The following RPTOR variants were observed in gnomAD, a reference collection of about 807,000 sequenced individuals.
RPTOR encodes regulatory-associated protein of mTOR.
RPTOR carries 21 observed loss-of-function variants against 169.9 expected under a neutral mutation model. The ratio of observed to expected loss-of-function variants is 0.12; its 90% CI spans 0.09 to 0.18. The LOEUF is 0.18. Among genes scored for constraint, RPTOR ranks in the 10% least tolerant of loss-of-function variants. The pLI is 1.00. For synonymous variants in RPTOR, 732 were observed against 753.2 expected (o/e 0.97, Z 0.46); for missense variants, 1,133 against 1,855.9 (o/e 0.61, Z 7.16).
chr17:80,949,373 C>T, intron 27 of RPTOR, 70 bp from the exon 28 acceptor site: 3 of 1,314,078 alleles, frequency 2.3e-6, no homozygotes, highest in Non-Finnish European at 3.3e-6. Flanking sequence ...GGGCTCTTAC[C>T]ACCACGCACA....
chr17:80,878,912 A>C lies in RPTOR; in HGVS notation c.1510-1503A>C, dbSNP rs1026572052. ...GCCTCAGAGCCGGCCTGTTTCCTCC[A>C]GGACGCCCACAGGACCCTCGGAAGC... On this transcript the variant is annotated intron_variant, in intron 13 of 33. Coordinates refer to ENST00000306801, the MANE Select transcript of RPTOR (RefSeq NM_020761.3). This position sits in a 1 kb window ranked among gnomAD's most constrained non-coding sequence, Gnocchi z 4.1. 6.6e-6 allele frequency among the ~76,000 whole-genome samples: 1 copy of C among 152,092 alleles called. No individual in the cohort carries two copies. Among genetic ancestry groups the C allele is most frequent in the Non-Finnish European group, 1.5e-5 (1 of 68,008 alleles).
In RPTOR at chr17:80,820,428, C is replaced by T. The variant is rs2067367524; in HGVS notation, c.891-1773C>T. On this transcript the variant is annotated intron_variant, in intron 7 of 33. Transcript: ENST00000306801. This position sits in a 1 kb window ranked among gnomAD's most constrained non-coding sequence, Gnocchi z 4.1. ...CGTGCTGTTTCCTAGGGCTGTGTCC[C>T]GGGCAGCCACCCCTGTTCGCGCTGG... is the stretch of plus-strand genomic sequence containing the variant. Among the ~76,000 whole-genome samples the T allele has an allele frequency of 6.6e-6, 1 of 152,182 alleles. No homozygotes were observed.
At chr17:80,760,081 G>A (rs539701655) in intron 6 of RPTOR, among the ~76,000 whole-genome samples, 50 of 152,150 alleles carry the variant, frequency 3.3e-4, no homozygotes, top group African/African-American at 1.0e-3. Context: ...TAGCCGGAGC[G>A]TAGGGCTTTG....
intron 7 of RPTOR, among the ~76,000 whole-genome samples, chr17:80,821,047 G>A (rs1231163613): frequency 6.6e-6 from 1 of 152,192 alleles, no homozygotes; most frequent in Non-Finnish European, 1.5e-5. Context: ...CCCTATCACT[G>A]AACCTATTTT....
intron 1 of RPTOR, among the ~76,000 whole-genome samples, chr17:80,583,196 T>TTTTTTTTTTGTTTTTTTTTG (rs2065031593): frequency 7.3e-6 from 1 of 137,374 alleles, no homozygotes; most frequent in Non-Finnish European, 1.6e-5. Flanking sequence ...TTTTTTTTTT[T>TTTTTTTTTTGTTTTTTTTTG]TTTTTTTTTT....
chr17:80,943,302 G>A (rs945460408), intron 25 of RPTOR, among the ~76,000 whole-genome samples: 7 of 152,334 alleles, frequency 4.6e-5, no homozygotes, highest in Admixed American at 6.5e-5. Flanking sequence ...GCACCCCGAC[G>A]GTAGGCTCCT....
rs939560036 is a variant in RPTOR, at chr17:80,823,639, TCTCA to T, written c.1136+418_1136+421del. On this transcript the variant is annotated intron_variant, in intron 9 of 33. Coordinates refer to ENST00000306801, the MANE Select transcript of RPTOR (RefSeq NM_020761.3). The surrounding 1 kb of genome is among the most constrained non-coding windows in gnomAD (Gnocchi z 4.5). ...TGATCAATTAGTTTTTATGCTTATT[TCTCA>T]CACACACACACACACACACACACAC... The T allele has an allele frequency of 9.7e-5, 13 of 133,740 alleles. No homozygotes were observed. Among genetic ancestry groups the T allele is most frequent in the African/African-American group, 2.9e-4 (7 of 24,384 alleles). The allele number at this position is 133,740 out of a possible 1,614,324, so 8.3% of individuals were successfully genotyped here.
In RPTOR at chr17:80,957,521, G is replaced by A; in HGVS notation, c.3371-103G>A. Reference sequence around the variant, plus strand: ...CCAGATGGGCTCGATGGTGGCAGGGGTACCTTGTAGCTGCTGGCCAAATTG... The same window carrying A: ...CCAGATGGGCTCGATGGTGGCAGGGATACCTTGTAGCTGCTGGCCAAATTG... On this transcript the variant is annotated intron_variant, in intron 28 of 33. Coordinates refer to ENST00000306801, the MANE Select transcript of RPTOR (RefSeq NM_020761.3). This position sits in a 1 kb window ranked among gnomAD's most constrained non-coding sequence, Gnocchi z 4.6. 2 of 1,025,264 alleles carry A rather than the reference G, an allele frequency of 2.0e-6. No homozygotes were observed. Among genetic ancestry groups the A allele is most frequent in the Non-Finnish European group, 3.1e-6 (2 of 651,234 alleles). The allele number at this position is 1,025,264 out of a possible 1,614,324, so 63.5% of individuals were successfully genotyped here.
intron 3 of RPTOR, among the ~76,000 whole-genome samples, chr17:80,645,740 A>G (rs997167204): frequency 9.9e-5 from 15 of 152,210 alleles, no homozygotes; most frequent in Non-Finnish European, 1.9e-4. Context: ...AAGCGGCATC[A>G]TGATGTAGGG....
chr17:80,602,979 T>C (rs1306057194), intron 1 of RPTOR: 1 of 345,494 alleles, frequency 2.9e-6, no homozygotes, highest in Non-Finnish European at 5.5e-6. Flanking sequence ...TCTTGGGTTG[T>C]CCATTGGATG....
chr17:80,710,515 T>C (rs1290578734), intron 4 of RPTOR, among the ~76,000 whole-genome samples: 2 of 152,052 alleles, frequency 1.3e-5, no homozygotes, highest in African/African-American at 4.8e-5. Context: ...AATTCTTAAT[T>C]TGGTTTTTTA....
At position 80,940,621 on chromosome 17, in the gene RPTOR, C is replaced by G; in HGVS notation, c.3025+20C>G. On this transcript the variant is annotated intron_variant, in intron 25 of 33. Coordinates refer to ENST00000306801, the MANE Select transcript of RPTOR (RefSeq NM_020761.3). The stretch of plus-strand genomic sequence containing the variant: ...AGAAGGGTAAGGGCACCCGCACAGC[C>G]AGCCAGGGGCTCATTCCGGGGGTGG... The G allele has an allele frequency of 6.3e-7, 1 of 1,584,408 alleles. No individual in the cohort carries two copies.
intron 28 of RPTOR, among the ~76,000 whole-genome samples, chr17:80,952,855 C>CTTTTT (rs139746545): frequency 2.0e-5 from 2 of 98,082 alleles, no homozygotes; most frequent in Non-Finnish European, 1.9e-5. Flanking sequence ...TTCTTTTCTT[C>CTTTTT]TTTTTTTTTT....
intron 24 of RPTOR, among the ~76,000 whole-genome samples, chr17:80,935,919 AAAGAC>A (rs1394463670): frequency 1.4e-4 from 22 of 152,372 alleles, no homozygotes; most frequent in Admixed American, 3.9e-4. Flanking sequence ...AAGAAAATGA[AAAGAC>A]AAGTCACAGA....
rs773773719 is a variant in RPTOR, at chr17:80,721,990, C to T, written c.508-8570C>T. Among the ~76,000 whole-genome samples, 23 of 151,252 alleles carry T rather than the reference C, an allele frequency of 1.5e-4. 1 individual carries two copies. The highest frequency in any genetic ancestry group is 2.6e-4 in the Non-Finnish European group (18 of 68,010). ...TCACAAATACAAGGGATTGGAAGTG[C>T]ATTCTTTGTTATCTCATATGTAAGA... is the stretch of plus-strand genomic sequence containing the variant. On this transcript the variant is annotated intron_variant, in intron 4 of 33. Coordinates refer to ENST00000306801, the MANE Select transcript of RPTOR (RefSeq NM_020761.3). This position sits in a 1 kb window ranked among gnomAD's most constrained non-coding sequence, Gnocchi z 4.7.
At chr17:80,828,178 G>A (rs2067465268) in intron 9 of RPTOR, among the ~76,000 whole-genome samples, 1 of 152,218 alleles carries the variant, frequency 6.6e-6, no homozygotes, top group Non-Finnish European at 1.5e-5. Flanking sequence ...GCGTGAGGAA[G>A]CTTCCCCGGT....
intron 10 of RPTOR, among the ~76,000 whole-genome samples, chr17:80,846,215 C>T (rs867592307): frequency 6.6e-6 from 1 of 152,274 alleles, no homozygotes; most frequent in South Asian, 2.1e-4. Context: ...GGCCCCAGCT[C>T]GGTGCCCTGG....
At chr17:80,808,341 CT>C (rs1266434985) in intron 7 of RPTOR, among the ~76,000 whole-genome samples, 2 of 152,124 alleles carry the variant, frequency 1.3e-5, no homozygotes, top group Non-Finnish European at 2.9e-5. Context: ...GGGAGGATCA[CT>C]TGAGTCCCAG....
chr17:80,841,203 G>T, intron 10 of RPTOR, among the ~76,000 whole-genome samples: 1 of 109,980 alleles, frequency 9.1e-6, no homozygotes, highest in East Asian at 3.1e-4. Context: ...CCGCACGGCA[G>T]CTCACTCTCA....
Sources: allele counts gnomAD v4.1 joint callset (sites outside exome capture counted in the v4.1 genomes callset), GRCh38; gene constraint gnomAD v4.1.1; non-coding constraint Gnocchi (gnomAD v3.1); transcripts MANE v1.5; gene names NCBI Gene and HGNC (gene_info 2026-07-23, HGNC 2026-07-21).